The following CSMD1 variants were observed in gnomAD, a reference collection of about 807,000 sequenced individuals.
The protein encoded by CSMD1 is CUB and sushi domain-containing protein 1.
Under a neutral mutation model 417.5 loss-of-function variants are expected in CSMD1, and 213 were observed. That is an observed-to-expected ratio of 0.51 (90% CI 0.46 to 0.57). The LOEUF is 0.57. Ranked by LOEUF, CSMD1 falls within the 20% of genes least tolerant of loss-of-function variation. The pLI is 0.00. For synonymous variants in CSMD1, 2,862 were observed against 1,736.8 expected (o/e 1.65, Z -16.11); for missense variants, 6,923 against 4,529.7 (o/e 1.53, Z -15.17).
chr8:4,356,135 T>A (rs1408633741), intron 3 of CSMD1, among the ~76,000 whole-genome samples: 1 of 152,178 alleles, frequency 6.6e-6, no homozygotes, highest in Non-Finnish European at 1.5e-5. Context: ...GTTCCCAAAG[T>A]CCATTGTATC....
intron 3 of CSMD1, among the ~76,000 whole-genome samples, chr8:4,223,971 T>C (rs111893189): frequency 3.3e-5 from 5 of 152,172 alleles, no homozygotes; most frequent in African/African-American, 1.2e-4. Context: ...CCAACCACTT[T>C]TGAGAGCCTT....
At chr8:4,682,161 G>T (rs1362964097) in intron 1 of CSMD1, among the ~76,000 whole-genome samples, 1 of 151,942 alleles carries the variant, frequency 6.6e-6, no homozygotes, top group Non-Finnish European at 1.5e-5. Context: ...TGGATAACTG[G>T]GACTACAGGC....
chr8:4,205,758 G>A (rs115623636), intron 3 of CSMD1, among the ~76,000 whole-genome samples: 1,658 of 152,244 alleles, frequency 0.011, 28 homozygotes, highest in African/African-American at 0.035. Flanking sequence ...ATGAACAGCT[G>A]TTTGGGCCAT....
At chr8:4,419,157 A>G (rs1455552574) in intron 3 of CSMD1, among the ~76,000 whole-genome samples, 1 of 152,210 alleles carries the variant, frequency 6.6e-6, no homozygotes, top group African/African-American at 2.4e-5. Flanking sequence ...GTAAATAGGA[A>G]TTGGTTTACA....
chr8:2,937,819 G>C lies in CSMD1; in HGVS notation c.*766C>G, dbSNP rs1242754180. 6.6e-6 allele frequency: 1 copy of C among 152,628 alleles called. No individual in the cohort carries two copies. Among genetic ancestry groups the C allele is most frequent in the Non-Finnish European group, 1.5e-5 (1 of 68,046 alleles). 9.5% of individuals were successfully genotyped at this position (152,628 alleles called of 1,614,324 possible). On this transcript the variant is annotated 3_prime_UTR_variant, in exon 70 of 70. Coordinates refer to ENST00000635120, the MANE Select transcript of CSMD1 (RefSeq NM_033225.6). ...ACTCCAACTAAGCTGATGGGGGAAT[G>C]TTTAGCTTGATAATATGAAATAATG...
chr8:4,254,976 C>A (rs1803353653), intron 3 of CSMD1, among the ~76,000 whole-genome samples: 1 of 152,190 alleles, frequency 6.6e-6, no homozygotes, highest in African/African-American at 2.4e-5. Flanking sequence ...TCGACTTTAA[C>A]AGAGCACTAA....
chr8:3,459,367 G>T (rs1388691385), intron 12 of CSMD1, among the ~76,000 whole-genome samples: 1 of 152,254 alleles, frequency 6.6e-6, no homozygotes, highest in African/African-American at 2.4e-5. Flanking sequence ...AATATGACGG[G>T]AATCGCACGG....
chr8:3,467,594 G>A (rs748473481), intron 12 of CSMD1, among the ~76,000 whole-genome samples: 3 of 152,156 alleles, frequency 2.0e-5, no homozygotes, highest in South Asian at 2.1e-4. Context: ...AACACACCCC[G>A]TGTGTCAGCA....
intron 1 of CSMD1, among the ~76,000 whole-genome samples, chr8:4,709,555 TC>T (rs1472574808): frequency 6.6e-6 from 1 of 152,220 alleles, no homozygotes; most frequent in Non-Finnish European, 1.5e-5. Flanking sequence ...GGAGCCTCTG[TC>T]GTTGCTCACC....
chr8:3,194,217 A>G (rs956937311), intron 33 of CSMD1, among the ~76,000 whole-genome samples: 30 of 152,130 alleles, frequency 2.0e-4, no homozygotes, highest in African/African-American at 7.0e-4. Context: ...TGGAAAACCA[A>G]CTAAGCCATA....
At chr8:4,764,902 AAC>A (rs1491225450) in intron 1 of CSMD1, among the ~76,000 whole-genome samples, 101 of 8,312 alleles carry the variant, frequency 0.012, 3 homozygotes, top group African/African-American at 0.022. Context: ...AAACAACAAC[AAC>A]AAAAAAAAAC....
At chr8:3,442,502 A>T (rs926166494) in intron 12 of CSMD1, among the ~76,000 whole-genome samples, 1 of 152,174 alleles carries the variant, frequency 6.6e-6, no homozygotes, top group Non-Finnish European at 1.5e-5. Context: ...TCGATACACA[A>T]ATGTTACTTC....
intron 54 of CSMD1, among the ~76,000 whole-genome samples, chr8:2,994,908 C>T (rs927375647): frequency 1.3e-5 from 2 of 152,010 alleles, no homozygotes; most frequent in Admixed American, 6.5e-5. Flanking sequence ...AGACTTTATA[C>T]AAAAATTAAC....
chr8:3,116,064 G>C (rs867697537), intron 42 of CSMD1, among the ~76,000 whole-genome samples: 70 of 152,258 alleles, frequency 4.6e-4, no homozygotes, highest in Middle Eastern at 6.8e-3. Context: ...ACTAATAGGC[G>C]TTTGAACAGC....
chr8:3,487,974 T>C (rs933462741), intron 11 of CSMD1, among the ~76,000 whole-genome samples: 1 of 151,714 alleles, frequency 6.6e-6, no homozygotes, highest in African/African-American at 2.4e-5. Context: ...GTAATTTACT[T>C]TCCAGACACA....
chr8:4,082,137 G>T (rs1244703990), intron 3 of CSMD1, among the ~76,000 whole-genome samples: 1 of 152,024 alleles, frequency 6.6e-6, no homozygotes, highest in African/African-American at 2.4e-5. Context: ...AGGAATAAAA[G>T]ATGCAAAATC....
intron 2 of CSMD1, among the ~76,000 whole-genome samples, chr8:4,442,143 C>T (rs566325385): frequency 2.1e-4 from 32 of 152,110 alleles, no homozygotes; most frequent in Non-Finnish European, 4.3e-4. Flanking sequence ...CCTGATTCAG[C>T]AAAAACATCT....
intron 8 of CSMD1, among the ~76,000 whole-genome samples, 198 bp downstream of exon 8, chr8:3,616,512 T>G (rs571936455): frequency 6.6e-6 from 1 of 152,292 alleles, no homozygotes; most frequent in East Asian, 1.9e-4. Context: ...GAGAAGGGAC[T>G]AATACAGAAC....
intron 27 of CSMD1, among the ~76,000 whole-genome samples, chr8:3,228,581 A>C (rs1240922812): frequency 6.6e-6 from 1 of 152,196 alleles, no homozygotes; most frequent in East Asian, 1.9e-4. Context: ...TGGACTACCT[A>C]GTGGCTGGTC....
Sources: gnomAD v4.1 joint callset for allele counts (sites outside exome capture counted in the v4.1 genomes callset) on GRCh38, gnomAD v4.1.1 for gene constraint, MANE v1.5 for transcripts, NCBI Gene and HGNC (gene_info 2026-07-23, HGNC 2026-07-21) for gene names.